The following DOK6 variants were observed in gnomAD, a reference collection of about 807,000 sequenced individuals.
DOK6 encodes the protein docking protein 6, also known as downstream of tyrosine kinase 6.
DOK6 carries 22 observed loss-of-function variants against 44.0 expected under a neutral mutation model. The observed-to-expected ratio is 0.50, with a 90% CI of 0.36 to 0.71. The LOEUF is 0.71. Among genes scored for constraint, DOK6 ranks in the 30% least tolerant of loss-of-function variants. DOK6 has a pLI of 0.00. For missense variants in DOK6, 340 were observed against 416.4 expected (o/e 0.82, Z 1.60); for synonymous variants, 166 against 145.5 (o/e 1.14, Z -1.01).
At chr18:69,661,234 A>T (rs1167047502) in intron 3 of DOK6, 1 of 152,182 alleles carries the variant, frequency 6.6e-6, no homozygotes, top group Non-Finnish European at 1.5e-5. Flanking sequence ...TTCTTGTTTC[A>T]TAGGTGTCTC....
At chr18:69,620,768 G>A (rs550033288) in intron 3 of DOK6, among the ~76,000 whole-genome samples, 1 of 152,274 alleles carries the variant, frequency 6.6e-6, no homozygotes, top group Non-Finnish European at 1.5e-5. Context: ...GAAACTCGTA[G>A]GTTTTTCACA....
At chr18:69,548,145 G>A (rs1330912501) in intron 1 of DOK6, among the ~76,000 whole-genome samples, 2 of 150,550 alleles carry the variant, frequency 1.3e-5, no homozygotes, top group African/African-American at 4.9e-5. Flanking sequence ...AGTAGAGACG[G>A]GGTTTCACGG....
intron 1 of DOK6, among the ~76,000 whole-genome samples, chr18:69,441,058 C>A (rs534486238): frequency 1.9e-4 from 29 of 152,158 alleles, no homozygotes; most frequent in African/African-American, 7.0e-4. Flanking sequence ...CAAATTAATT[C>A]TCTATTCCCT....
chr18:69,527,262 G>A (rs1037926275), intron 1 of DOK6, among the ~76,000 whole-genome samples: 2 of 152,172 alleles, frequency 1.3e-5, no homozygotes, highest in African/African-American at 4.8e-5. Context: ...CCATTATCAC[G>A]CTGCTATGAA....
intron 5 of DOK6, among the ~76,000 whole-genome samples, chr18:69,731,909 G>A (rs1333185888): frequency 6.6e-6 from 1 of 152,168 alleles, no homozygotes. Flanking sequence ...GTATAGATCA[G>A]TAGCTGTTCC....
rs57486782 is a variant in DOK6 at position 69,811,524 on chromosome 18, TTATATA to T, written c.857-29672_857-29667del. Among the ~76,000 whole-genome samples, 497 of 93,256 alleles carry T rather than the reference TTATATA, an allele frequency of 5.3e-3. 4 individuals carry two copies. The highest frequency in any genetic ancestry group is 0.013 in the African/African-American group (283 of 21,542). The allele number at this position is 93,256 out of a possible 152,430, so 61.2% of individuals were successfully genotyped here. On this transcript the variant is annotated intron_variant, in intron 7 of 7. Transcript: ENST00000382713. Reference sequence around the variant, plus strand: ...TAATTAGCTTGATTTAACCATTCCATTATATATATATATATATATATATATATATAT... The same window carrying T: ...TAATTAGCTTGATTTAACCATTCCATTATATATATATATATATATATATAT...
At chr18:69,667,113 C>T (rs1252338187) in intron 3 of DOK6, among the ~76,000 whole-genome samples, 3 of 152,120 alleles carry the variant, frequency 2.0e-5, no homozygotes, top group Non-Finnish European at 4.4e-5. Context: ...CAGCTACATG[C>T]TCTTTCTCCT....
At chr18:69,660,610 C>G (rs1160753541) in intron 3 of DOK6, 1 of 151,982 alleles carries the variant, frequency 6.6e-6, no homozygotes, top group Non-Finnish European at 1.5e-5. Context: ...TCACACTGAC[C>G]TCAAGGAGCA....
At chr18:69,705,748 T>A (rs1986618560) in intron 5 of DOK6, among the ~76,000 whole-genome samples, 1 of 152,204 alleles carries the variant, frequency 6.6e-6, no homozygotes, top group Non-Finnish European at 1.5e-5. Flanking sequence ...CCTTTCATTT[T>A]TGCTTGAAAA....
At chr18:69,706,171 A>G (rs1441683575) in intron 5 of DOK6, among the ~76,000 whole-genome samples, 1 of 152,184 alleles carries the variant, frequency 6.6e-6, no homozygotes, top group African/African-American at 2.4e-5. Flanking sequence ...TCTTTATGAC[A>G]AGAGACAGTT....
rs550749657 is a variant in DOK6, at chr18:69,746,574, TAC to T, written c.738+7473_738+7474del. Among the ~76,000 whole-genome samples the T allele has an allele frequency of 1.9e-4, 29 of 152,308 alleles. No individual in the cohort carries two copies. In the South Asian group the frequency reaches 6.0e-3, roughly 32 times the overall value. ...CCTGGCCAATACATGATTTGAAATA[TAC>T]AATAACACTCATTTCTTCAGGTTTA... is the stretch of plus-strand genomic sequence containing the variant. On this transcript the variant is annotated intron_variant, in intron 6 of 7. Transcript: ENST00000382713.
At chr18:69,665,423 GGTACCTAATTATTT>G (rs1356307237) in intron 3 of DOK6, among the ~76,000 whole-genome samples, 2 of 152,036 alleles carry the variant, frequency 1.3e-5, no homozygotes, top group Non-Finnish European at 2.9e-5. Context: ...CCTAATTATA[GGTACCTAATTATTT>G]GTACCTAATT....
chr18:69,408,433 T>G (rs1056384791), intron 1 of DOK6, among the ~76,000 whole-genome samples: 2 of 124,102 alleles, frequency 1.6e-5, no homozygotes, highest in African/African-American at 3.3e-5. Flanking sequence ...CACTAACCTC[T>G]CCTTTCAAAA....
chr18:69,527,276 A>G (rs113728532), intron 1 of DOK6, among the ~76,000 whole-genome samples: 31 of 152,306 alleles, frequency 2.0e-4, no homozygotes, highest in African/African-American at 6.7e-4. Context: ...CTATGAAGAA[A>G]CACCTGAGAC....
intron 7 of DOK6, among the ~76,000 whole-genome samples, chr18:69,799,494 G>A (rs554460157): frequency 7.9e-5 from 12 of 151,956 alleles, no homozygotes; most frequent in Non-Finnish European, 1.5e-4. Context: ...AGCATAAAAT[G>A]TTTCTTCATT....
Position 69,762,027 on chromosome 18 carries a change from A to G in DOK6, c.856+4154A>G, listed in dbSNP as rs1242245978. On this transcript the variant is annotated intron_variant, in intron 7 of 7. Coordinates refer to ENST00000382713, the MANE Select transcript of DOK6 (RefSeq NM_152721.6). ...AAGCTTTAGAACAGTAAGGAAAGGAAGAAAAGAAAAGAAGGAAAGTTCAAC... is the reference window on the plus strand; with the variant it reads ...AAGCTTTAGAACAGTAAGGAAAGGAGGAAAAGAAAAGAAGGAAAGTTCAAC... Among the ~76,000 whole-genome samples the G allele has an allele frequency of 2.0e-5, 3 of 152,222 alleles. No individual in the cohort carries two copies. In the East Asian group the frequency reaches 5.8e-4, roughly 29 times the overall value.
intron 3 of DOK6, among the ~76,000 whole-genome samples, chr18:69,654,575 C>G (rs8089049): frequency 0.95 from 144,166 of 152,266 alleles, 68,751 homozygotes; most frequent in East Asian, 1. Flanking sequence ...ATCTCTCTCA[C>G]AATTAAAATG....
At chr18:69,693,707 T>C (rs1986319936) in intron 4 of DOK6, among the ~76,000 whole-genome samples, 1 of 152,134 alleles carries the variant, frequency 6.6e-6, no homozygotes, top group South Asian at 2.1e-4. Flanking sequence ...GAGATCCACT[T>C]ACCTCCACCT....
intron 5 of DOK6, among the ~76,000 whole-genome samples, chr18:69,703,929 TAAG>T (rs1568338749): frequency 6.6e-6 from 1 of 152,174 alleles, no homozygotes; most frequent in Non-Finnish European, 1.5e-5. Flanking sequence ...GGTGGCTTTA[TAAG>T]AAGGAGAAAG....
Sources: gnomAD v4.1 joint callset for allele counts (sites outside exome capture counted in the v4.1 genomes callset) on GRCh38, gnomAD v4.1.1 for gene constraint, MANE v1.5 for transcripts, NCBI Gene and HGNC (gene_info 2026-07-23, HGNC 2026-07-21) for gene names.